CDYL2: variants seen among roughly 807,000 people sequenced by gnomAD.
CDYL2 encodes chromodomain Y like 2.
A neutral mutation model predicts 49.4 loss-of-function variants in CDYL2; 23 were observed. That is an observed-to-expected ratio of 0.47 (90% CI 0.34 to 0.66). The LOEUF (loss-of-function observed/expected upper bound fraction) is 0.66, where lower values mean the gene tolerates loss of function less well. Among genes scored for constraint, CDYL2 ranks in the 30% least tolerant of loss-of-function variants. The probability of loss-of-function intolerance (pLI) is 0.01; values close to 1 mark genes in which losing one functional copy is unlikely to be tolerated. For synonymous variants in CDYL2, 360 were observed against 268.8 expected (o/e 1.34, Z -3.32); for missense variants, 678 against 656.4 (o/e 1.03, Z -0.36).
At chr16:80,680,181 T>C (rs1399695568) in intron 2 of CDYL2, among the ~76,000 whole-genome samples, 1 of 152,192 alleles carries the variant, frequency 6.6e-6, no homozygotes, top group African/African-American at 2.4e-5. Flanking sequence ...ATGGCAAATG[T>C]TGCGTGTGTG....
intron 1 of CDYL2, among the ~76,000 whole-genome samples, chr16:80,745,900 T>C (rs1399459035): frequency 6.6e-6 from 1 of 152,100 alleles, no homozygotes; most frequent in Non-Finnish European, 1.5e-5. Flanking sequence ...ACACCACTGG[T>C]TCACCCACAA....
At chr16:80,781,999 A>G (rs1907285048) in intron 1 of CDYL2, among the ~76,000 whole-genome samples, 1 of 152,000 alleles carries the variant, frequency 6.6e-6, no homozygotes, top group African/African-American at 2.4e-5. Flanking sequence ...AATTTAAAAA[A>G]GAGCAAATAA....
At chr16:80,685,341 C>T (rs569304493) in intron 1 of CDYL2, among the ~76,000 whole-genome samples, 2 of 152,306 alleles carry the variant, frequency 1.3e-5, no homozygotes, top group African/African-American at 4.8e-5. Flanking sequence ...GAACCTAAGG[C>T]ACATGCAGCC....
At chr16:80,804,683 C>G (rs1365663962), upstream of CDYL2, among the ~76,000 whole-genome samples, 1 of 146,970 alleles carries the variant, frequency 6.8e-6, no homozygotes, top group African/African-American at 2.5e-5. Context: ...CCCGGGGGAC[C>G]GGTCCCAGAG....
chr16:80,800,077 C>A (rs974950019), intron 1 of CDYL2, among the ~76,000 whole-genome samples: 1 of 152,184 alleles, frequency 6.6e-6, no homozygotes, highest in Non-Finnish European at 1.5e-5. Flanking sequence ...AGCACTCTCA[C>A]AGGGAAAGAG....
At chr16:80,685,235 C>G (rs780608785) in intron 1 of CDYL2, 106 bp from the exon 2 acceptor site, 1 of 861,006 alleles carries the variant, frequency 1.2e-6, no homozygotes, top group African/African-American at 1.7e-5. Flanking sequence ...GGCATCTACC[C>G]TAGCCAGGGG....
At chr16:80,722,522 G>T (rs1218769856) in intron 1 of CDYL2, among the ~76,000 whole-genome samples, 1 of 152,166 alleles carries the variant, frequency 6.6e-6, no homozygotes. Flanking sequence ...CAACGGAATG[G>T]GCACACAAGC....
At chr16:80,708,895 A>T (rs527641598) in intron 1 of CDYL2, among the ~76,000 whole-genome samples, 20 of 152,342 alleles carry the variant, frequency 1.3e-4, no homozygotes, top group African/African-American at 4.6e-4. Flanking sequence ...ATCCTCATAG[A>T]AAATATTTAA....
At chr16:80,676,299 T>C (rs899628940) in intron 2 of CDYL2, among the ~76,000 whole-genome samples, 1 of 152,216 alleles carries the variant, frequency 6.6e-6, no homozygotes, top group Non-Finnish European at 1.5e-5. Flanking sequence ...CATCTGCTTT[T>C]AAAAATTGAA....
intron 1 of CDYL2, among the ~76,000 whole-genome samples, chr16:80,700,112 G>A (rs975972976): frequency 3.9e-5 from 6 of 152,192 alleles, no homozygotes; most frequent in Admixed American, 3.9e-4. Flanking sequence ...GCCCGCCTCG[G>A]CCTCCCAAAG....
rs564036309 is a variant in CDYL2 at position 80,661,974 on chromosome 16, C to A, written c.616+22564G>T. On this transcript the variant is annotated intron_variant, in intron 2 of 6. Transcript: ENST00000570137. ...AAACAATCAGGTGGGGGAACTCACT[C>A]CAGCAATCACAACATACCCCACGCC... 1.1e-4 allele frequency among the ~76,000 whole-genome samples: 16 copies of A among 152,250 alleles called. No homozygotes were observed. In the South Asian group the frequency reaches 2.5e-3, roughly 24 times the overall value.
At chr16:80,661,526 C>A (rs916528493) in intron 2 of CDYL2, among the ~76,000 whole-genome samples, 2 of 152,064 alleles carry the variant, frequency 1.3e-5, no homozygotes, top group Admixed American at 1.3e-4. Flanking sequence ...ATGAGAAAAC[C>A]AAAACCCAAG....
chr16:80,644,640 A>T (rs1273870883), intron 2 of CDYL2, among the ~76,000 whole-genome samples: 1 of 152,130 alleles, frequency 6.6e-6, no homozygotes, highest in South Asian at 2.1e-4. Context: ...AAAGGCGGAA[A>T]CCCCTGATAA....
intron 5 of CDYL2, among the ~76,000 whole-genome samples, chr16:80,610,738 T>C (rs1419443171): frequency 6.6e-6 from 1 of 152,152 alleles, no homozygotes; most frequent in East Asian, 1.9e-4. Context: ...CCCAGCACAC[T>C]TTGCAGGGCC....
intron 1 of CDYL2, among the ~76,000 whole-genome samples, chr16:80,759,434 C>G (rs1251696996): frequency 6.6e-6 from 1 of 151,960 alleles, no homozygotes; most frequent in Non-Finnish European, 1.5e-5. Flanking sequence ...GAACTGAACT[C>G]AAATGTGTAT....
rs1422863402 is a variant in CDYL2, at chr16:80,612,814, G to A, written c.1030C>T (p.Gln344Ter). The change falls in exon 5 of 7, where the codon CAG (glutamine) becomes TAG (stop). Residue 344 changes from glutamine to a stop codon, truncating the protein, a stop_gained. Transcript: ENST00000570137. LOFTEE classifies it high-confidence loss of function. This position sits in a 1 kb window ranked among gnomAD's most constrained non-coding sequence, Gnocchi z 5.0. ...AIRDFVKAFI[Q>*]FKKPIVVAIN... ...GCCACCACGATAGGCTTCTTAAACT[G>A]GATAAAGGCCTTCACAAAGTCCCTG... 1.2e-6 allele frequency: 2 copies of A among 1,612,728 alleles called. No individual in the cohort carries two copies. Among genetic ancestry groups the A allele is most frequent in the Non-Finnish European group, 1.7e-6 (2 of 1,179,348 alleles).
intron 2 of CDYL2, among the ~76,000 whole-genome samples, chr16:80,676,143 C>A (rs538167834): frequency 6.6e-6 from 1 of 152,238 alleles, no homozygotes; most frequent in South Asian, 2.1e-4. Context: ...GTGCATAGGG[C>A]GGTGGCCAAG....
intron 3 of CDYL2, among the ~76,000 whole-genome samples, chr16:80,625,548 C>T (rs67092520): frequency 0.12 from 18,855 of 152,188 alleles, 1,501 homozygotes; most frequent in Middle Eastern, 0.17. Context: ...TGGACATGAA[C>T]ATCTTGGGGA....
intron 1 of CDYL2, among the ~76,000 whole-genome samples, chr16:80,737,880 G>C (rs1039544348): frequency 6.6e-6 from 1 of 152,062 alleles, no homozygotes; most frequent in East Asian, 1.9e-4. Context: ...TGTTGTTGTT[G>C]TTTTATACTT....
Sources: gnomAD v4.1 joint callset for allele counts (sites outside exome capture counted in the v4.1 genomes callset) on GRCh38, gnomAD v4.1.1 for gene constraint, Gnocchi (gnomAD v3.1) non-coding constraint, MANE v1.5 for transcripts, NCBI Gene and HGNC (gene_info 2026-07-23, HGNC 2026-07-21) for gene names.